CMIP: variants seen among roughly 807,000 people sequenced by gnomAD.
CMIP encodes C-Maf-inducing protein.
CMIP carries 13 observed loss-of-function variants against 97.3 expected under a neutral mutation model. That is an observed-to-expected ratio of 0.13 (90% CI 0.09 to 0.21). CMIP has a LOEUF of 0.21. Ranked by LOEUF, CMIP falls within the 10% of genes least tolerant of loss-of-function variation. CMIP has a pLI of 1.00. For missense variants in CMIP, 847 were observed against 1,024.9 expected (o/e 0.83, Z 2.37); for synonymous variants, 538 against 436.3 (o/e 1.23, Z -2.91).
rs1011499541 is a variant in CMIP at position 81,696,258 on chromosome 16, A to G, written c.1531-302A>G. ...GTGGGCGGTTGCTCTGGGCATCTCTACCTGCTGCAGCCACAGGCCCGCTTC... is the reference window on the plus strand; with the variant it reads ...GTGGGCGGTTGCTCTGGGCATCTCTGCCTGCTGCAGCCACAGGCCCGCTTC... On this transcript the variant is annotated intron_variant, in intron 13 of 20. Coordinates refer to ENST00000537098, the MANE Select transcript of CMIP (RefSeq NM_198390.3). 7.2e-5 allele frequency: 34 copies of G among 475,148 alleles called. No homozygotes were observed. In the South Asian group the frequency reaches 7.5e-4, roughly 11 times the overall value. The allele number at this position is 475,148 out of a possible 1,614,324, so 29.4% of individuals were successfully genotyped here. A position where few individuals can be genotyped will look rare whatever the true frequency, so the allele number is the denominator to read the frequency against.
intron 14 of CMIP, 78 bp downstream of exon 14, chr16:81,696,745 C>T (rs978964667): frequency 1.5e-6 from 2 of 1,368,550 alleles, no homozygotes; most frequent in African/African-American, 1.4e-5. Flanking sequence ...ACAGCCGTCC[C>T]CCATCCCCTG....
At chr16:81,485,507 C>G (rs527514490) in intron 1 of CMIP, among the ~76,000 whole-genome samples, 9 of 152,326 alleles carry the variant, frequency 5.9e-5, no homozygotes, top group African/African-American at 2.2e-4. Flanking sequence ...CCAGGTGATT[C>G]TACAGTGTGG....
At chr16:81,659,211 C>T (rs2092518149) in intron 5 of CMIP, among the ~76,000 whole-genome samples, 1 of 152,190 alleles carries the variant, frequency 6.6e-6, no homozygotes, top group African/African-American at 2.4e-5. Context: ...CTTTGCTGAG[C>T]ATGTGAGTCT....
chr16:81,563,879 A>G (rs1186862468), intron 1 of CMIP, among the ~76,000 whole-genome samples: 3 of 152,206 alleles, frequency 2.0e-5, no homozygotes, highest in South Asian at 2.1e-4. Flanking sequence ...GCCGCCTTCC[A>G]TTGCAGACCA....
At position 81,678,393 on chromosome 16, in the gene CMIP, G is replaced by C; in HGVS notation, c.1153G>C (p.Ala385Pro). Reference protein sequence around the residue: ...HPSPDLVSQEATLSEARLKSV... With the variant: ...HPSPDLVSQEPTLSEARLKSV... ...CAGCCCGGACCTGGTGTCTCAGGAA[G>C]CCACGCTGTCTGAGGCCCGGCTCAA... is the stretch of plus-strand genomic sequence containing the variant. Residue 385 changes from alanine to proline, a missense_variant, in exon 10 of 21, where the codon GCC becomes CCC. This residue lies in a region of CMIP where 202 missense variants were observed against 168.7 expected (regional missense o/e 1.20). Coordinates refer to ENST00000537098, the MANE Select transcript of CMIP (RefSeq NM_198390.3). 1 of 1,609,162 alleles carries C rather than the reference G, an allele frequency of 6.2e-7. No individual in the cohort carries two copies. The highest frequency in any genetic ancestry group is 1.1e-5 in the South Asian group (1 of 90,130).
chr16:81,631,135 T>C (rs1306330445), intron 3 of CMIP: 1 of 152,272 alleles, frequency 6.6e-6, no homozygotes, highest in Non-Finnish European at 1.5e-5. Flanking sequence ...AGAGCTCATG[T>C]CTCGCAGGCT....
chr16:81,604,984 A>G (rs892923844), intron 1 of CMIP, among the ~76,000 whole-genome samples: 9 of 152,316 alleles, frequency 5.9e-5, no homozygotes, highest in Admixed American at 3.3e-4. Context: ...CAGCAGGTGA[A>G]CCCTCCTGTT....
intron 3 of CMIP, among the ~76,000 whole-genome samples, chr16:81,626,223 G>T (rs1456213964): frequency 1.3e-5 from 2 of 152,048 alleles, no homozygotes; most frequent in African/African-American, 4.8e-5. Flanking sequence ...GTGCGCGTGA[G>T]AATGTGTGTA....
intron 13 of CMIP, among the ~76,000 whole-genome samples, chr16:81,693,746 G>T (rs947166107): frequency 5.3e-5 from 8 of 152,184 alleles, no homozygotes; most frequent in Non-Finnish European, 1.0e-4. Context: ...CCTTGATTTC[G>T]GGCTGGGCTG....
intron 13 of CMIP, chr16:81,696,107 G>A (rs1906688511): frequency 4.5e-6 from 1 of 222,888 alleles, no homozygotes; most frequent in Non-Finnish European, 9.1e-6. Context: ...CGGGAGAGGA[G>A]TTAGAAACAC....
rs1381390626 is a variant in CMIP, at chr16:81,678,347, A to T, written c.1107A>T (p.Leu369Phe). Residue 369 changes from leucine (L) to phenylalanine (F), a missense_variant, in exon 10 of 21, where the codon TTA (leucine) becomes TTT (phenylalanine). Physicochemically the swap from Leu to Phe is conservative, Grantham distance 22. Coordinates refer to ENST00000537098, the MANE Select transcript of CMIP (RefSeq NM_198390.3). ...CQQPCDRKPT[L>F]PLRLLHPSPD... Reference sequence around the variant, plus strand: ...AGCCGTGCGACCGGAAGCCCACTTTACCTCTGCGCCTTCTGCACCCCAGCC... The same window carrying T: ...AGCCGTGCGACCGGAAGCCCACTTTTCCTCTGCGCCTTCTGCACCCCAGCC... 1 of 1,612,676 alleles carries T rather than the reference A, an allele frequency of 6.2e-7. No homozygotes were observed. Among genetic ancestry groups the T allele is most frequent in the Admixed American group, 1.7e-5 (1 of 59,938 alleles).
intron 1 of CMIP, chr16:81,518,959 C>T (rs950136645): frequency 6.6e-6 from 1 of 152,028 alleles, no homozygotes; most frequent in African/African-American, 2.4e-5. Context: ...CCTCAGCCTC[C>T]TGAGTAGCTG....
chr16:81,492,119 C>T (rs951179120), intron 1 of CMIP, among the ~76,000 whole-genome samples: 2 of 152,120 alleles, frequency 1.3e-5, no homozygotes, highest in Admixed American at 1.3e-4. Context: ...TGGAAAAATT[C>T]CCAGGAGGGA....
chr16:81,656,126 A>T (rs529132741), intron 4 of CMIP, among the ~76,000 whole-genome samples: 22 of 152,210 alleles, frequency 1.4e-4, no homozygotes, highest in Non-Finnish European at 2.5e-4. Context: ...CTTGGGTCCA[A>T]CCTCACCTAG....
chr16:81,470,188 A>T (rs1261957422), intron 1 of CMIP, among the ~76,000 whole-genome samples: 1 of 152,256 alleles, frequency 6.6e-6, no homozygotes, highest in African/African-American at 2.4e-5. Context: ...GCAATAGGGA[A>T]ATAAAGCGGC....
At chr16:81,516,923 C>G (rs547657579) in intron 1 of CMIP, among the ~76,000 whole-genome samples, 2 of 152,232 alleles carry the variant, frequency 1.3e-5, no homozygotes, top group East Asian at 3.9e-4. Context: ...AACCAGACGG[C>G]CTCCAAGGTC....
intron 1 of CMIP, among the ~76,000 whole-genome samples, chr16:81,466,260 C>T (rs1907200210): frequency 1.3e-5 from 2 of 152,150 alleles, no homozygotes; most frequent in Non-Finnish European, 2.9e-5. Flanking sequence ...GGGGTTTTGC[C>T]ATCTTGTCCA....
At chr16:81,637,411 G>C (rs188775995) in intron 3 of CMIP, among the ~76,000 whole-genome samples, 4 of 152,230 alleles carry the variant, frequency 2.6e-5, no homozygotes, top group South Asian at 2.1e-4. Context: ...ACTGTCTTTA[G>C]TCAGTGTCCT....
chr16:81,691,600 G>T (rs1906084291), intron 10 of CMIP, 175 bp from the exon 11 acceptor site: 1 of 640,834 alleles, frequency 1.6e-6, no homozygotes, highest in African/African-American at 1.8e-5. Flanking sequence ...AGTCCTTGAG[G>T]CCACGCTGAG....
Sources: gnomAD v4.1 joint callset for allele counts (sites outside exome capture counted in the v4.1 genomes callset) on GRCh38, gnomAD v4.1.1 for gene constraint, gnomAD v4.1.1 regional missense constraint, MANE v1.5 for transcripts, NCBI Gene and HGNC (gene_info 2026-07-23, HGNC 2026-07-21) for gene names.